Variants in QTMAN observed in about 807,000 individuals in gnomAD.
The protein encoded by QTMAN is queuosine-tRNA mannosyltransferase.
At chr2:144,051,111 T>C in the QTMAN span, among the ~76,000 whole-genome samples, 12 of 152,208 alleles carry the variant, frequency 7.9e-5, no homozygotes, top group Non-Finnish European at 1.6e-4. Context: ...CCTCATGACC[T>C]TACCAACATT....
At chr2:144,041,271 C>A in the QTMAN span, among the ~76,000 whole-genome samples, 2 of 152,142 alleles carry the variant, frequency 1.3e-5, no homozygotes, top group African/African-American at 4.8e-5. Context: ...ATAAAATTGA[C>A]TTTTCTTTGC....
At chr2:144,133,196 T>TA in the QTMAN span, among the ~76,000 whole-genome samples, 1 of 46,594 alleles carries the variant, frequency 2.1e-5, no homozygotes, top group African/African-American at 9.3e-5. Flanking sequence ...TAAATTTATA[T>TA]ATATATATTT....
chr2:144,135,411 T>TA, the QTMAN span, among the ~76,000 whole-genome samples: 7 of 151,876 alleles, frequency 4.6e-5, no homozygotes, highest in South Asian at 2.1e-4. Flanking sequence ...GAAATAAAAT[T>TA]AAAAAAAAGA....
At chr2:144,004,397 GT>G in the QTMAN span, among the ~76,000 whole-genome samples, 1 of 151,976 alleles carries the variant, frequency 6.6e-6, no homozygotes, top group African/African-American at 2.4e-5. Context: ...AGCTGGGGAT[GT>G]TTGATGAATG....
At chr2:144,033,232 T>C in the QTMAN span, among the ~76,000 whole-genome samples, 1 of 152,248 alleles carries the variant, frequency 6.6e-6, no homozygotes, top group Non-Finnish European at 1.5e-5. Context: ...AAGGGTTAAG[T>C]ACTACAAGAG....
chr2:144,033,646 TATC>T, the QTMAN span, among the ~76,000 whole-genome samples: 1 of 152,294 alleles, frequency 6.6e-6, no homozygotes, highest in Admixed American at 6.5e-5. Context: ...CCCTCTTTCT[TATC>T]ATAAGGTCAG....
chr2:144,319,847 G>C, the QTMAN span: 5 of 152,086 alleles, frequency 3.3e-5, no homozygotes, highest in Non-Finnish European at 7.4e-5. Context: ...ATTCTTGGAT[G>C]GATTTTTATC....
At chr2:144,061,058 G>C in the QTMAN span, among the ~76,000 whole-genome samples, 2 of 151,968 alleles carry the variant, frequency 1.3e-5, no homozygotes, top group African/African-American at 4.8e-5. Flanking sequence ...CAGTGTCCTT[G>C]TTAAGTATGA....
the QTMAN span, among the ~76,000 whole-genome samples, chr2:143,952,316 A>G: frequency 1.3e-5 from 2 of 151,618 alleles, no homozygotes; most frequent in African/African-American, 4.8e-5. Flanking sequence ...AATGTAACAC[A>G]ATGCATATGT....
At chr2:144,292,830 C>T in the QTMAN span, among the ~76,000 whole-genome samples, 1 of 152,000 alleles carries the variant, frequency 6.6e-6, no homozygotes, top group Non-Finnish European at 1.5e-5. Flanking sequence ...AATAACAGGT[C>T]CTATCAATTC....
At chr2:144,199,362 CT>C in the QTMAN span, among the ~76,000 whole-genome samples, 1 of 152,100 alleles carries the variant, frequency 6.6e-6, no homozygotes, top group Non-Finnish European at 1.5e-5. Context: ...TACTGAACTT[CT>C]TTAGTGAATA....
chr2:144,313,522 A>T, the QTMAN span, among the ~76,000 whole-genome samples: 4 of 152,192 alleles, frequency 2.6e-5, no homozygotes, highest in African/African-American at 9.6e-5. Context: ...CATATCAAGG[A>T]AAAAGAAAAA....
chr2:144,287,333 G>A, the QTMAN span, among the ~76,000 whole-genome samples: 288 of 151,972 alleles, frequency 1.9e-3, 1 homozygote, highest in African/African-American at 6.5e-3. Context: ...TACTGGGGAG[G>A]CTGAGGCAGG....
chr2:144,011,334 C>G, the QTMAN span, among the ~76,000 whole-genome samples: 1 of 151,968 alleles, frequency 6.6e-6, no homozygotes, highest in Non-Finnish European at 1.5e-5. Context: ...CAAAACCAAC[C>G]ACATCCACCA....
chr2:143,955,651 C>A, the QTMAN span, among the ~76,000 whole-genome samples: 2 of 152,098 alleles, frequency 1.3e-5, no homozygotes, highest in African/African-American at 2.4e-5. Context: ...TCACACTCAA[C>A]AAAAACAAAA....
At chr2:144,092,678 G>C in the QTMAN span, among the ~76,000 whole-genome samples, 1 of 152,146 alleles carries the variant, frequency 6.6e-6, no homozygotes, top group East Asian at 1.9e-4. Flanking sequence ...ACTGGGGAAG[G>C]AGAAGGGAGT....
At chr2:144,157,896 G>A in the QTMAN span, among the ~76,000 whole-genome samples, 1 of 151,862 alleles carries the variant, frequency 6.6e-6, no homozygotes, top group Non-Finnish European at 1.5e-5. Flanking sequence ...ATGGCATCCT[G>A]CTCCTTTGCA....
the QTMAN span, among the ~76,000 whole-genome samples, chr2:144,074,378 A>C: frequency 6.6e-6 from 1 of 152,214 alleles, no homozygotes; most frequent in Non-Finnish European, 1.5e-5. Flanking sequence ...GATTTTATTA[A>C]ATCTACTTTC....
the QTMAN span, among the ~76,000 whole-genome samples, chr2:144,219,995 T>C: frequency 6.6e-6 from 1 of 152,200 alleles, no homozygotes; most frequent in Admixed American, 6.5e-5. Flanking sequence ...ACTATATATA[T>C]TTTTAATAAT....
Sources: allele counts gnomAD v4.1 joint callset (sites outside exome capture counted in the v4.1 genomes callset), GRCh38; gene constraint gnomAD v4.1.1; transcripts MANE v1.5; gene names NCBI Gene and HGNC (gene_info 2026-07-23, HGNC 2026-07-21).